Variants in PLCL1 observed in about 807,000 individuals in gnomAD.
The protein encoded by PLCL1 is phospholipase C like 1 (inactive).
A neutral mutation model predicts 84.4 loss-of-function variants in PLCL1; 41 were observed. The ratio of observed to expected loss-of-function variants is 0.49; its 90% CI spans 0.38 to 0.63. The LOEUF (loss-of-function observed/expected upper bound fraction) is 0.63, where lower values mean the gene tolerates loss of function less well. PLCL1 is among the 30% of genes least tolerant of loss of function. The probability of loss-of-function intolerance (pLI) is 0.00; values close to 1 mark genes in which losing one functional copy is unlikely to be tolerated. For missense variants in PLCL1, 1,206 were observed against 1,367.8 expected (o/e 0.88, Z 1.87); for synonymous variants, 490 against 488.3 (o/e 1.00, Z -0.05).
intron 1 of PLCL1, among the ~76,000 whole-genome samples, chr2:197,932,843 A>G (rs1287315959): frequency 6.6e-6 from 1 of 152,182 alleles, no homozygotes; most frequent in African/African-American, 2.4e-5. Flanking sequence ...ATAGGAGAGC[A>G]TGTTAGGTAC....
intron 1 of PLCL1, among the ~76,000 whole-genome samples, chr2:197,998,806 A>G (rs981591446): frequency 6.6e-6 from 1 of 152,056 alleles, no homozygotes; most frequent in Admixed American, 6.5e-5. Context: ...CTACTTCCTT[A>G]CTTCTATGTC....
intron 1 of PLCL1, among the ~76,000 whole-genome samples, chr2:197,966,668 A>C (rs1689744160): frequency 6.6e-6 from 1 of 151,992 alleles, no homozygotes; most frequent in Non-Finnish European, 1.5e-5. Flanking sequence ...CTACTTCTTC[A>C]GTGCCTCTTT....
chr2:197,879,467 T>A (rs891511701), intron 1 of PLCL1, among the ~76,000 whole-genome samples: 2 of 152,156 alleles, frequency 1.3e-5, no homozygotes, highest in Non-Finnish European at 2.9e-5. Flanking sequence ...GCTTGCTGGT[T>A]CTGGAATTTG....
At chr2:198,054,930 T>C (rs1327533348) in intron 1 of PLCL1, among the ~76,000 whole-genome samples, 5 of 152,154 alleles carry the variant, frequency 3.3e-5, no homozygotes, top group South Asian at 4.1e-4. Flanking sequence ...GGGAACAATA[T>C]CTAGATATAT....
At chr2:197,840,124 G>T (rs1044000841) in intron 1 of PLCL1, among the ~76,000 whole-genome samples, 2 of 152,136 alleles carry the variant, frequency 1.3e-5, no homozygotes, top group African/African-American at 4.8e-5. Context: ...ATCTTAAGAA[G>T]GGTAAATGAA....
intron 1 of PLCL1, among the ~76,000 whole-genome samples, chr2:197,904,792 A>G (rs1024812167): frequency 1.3e-5 from 2 of 152,208 alleles, no homozygotes; most frequent in African/African-American, 4.8e-5. Flanking sequence ...GTTAATTAGA[A>G]AAAAATTTTT....
chr2:197,981,688 A>G (rs193282530), intron 1 of PLCL1, among the ~76,000 whole-genome samples: 1 of 152,330 alleles, frequency 6.6e-6, no homozygotes, highest in African/African-American at 2.4e-5. Context: ...TCTGTCTGTT[A>G]TTAGAAAGGA....
At chr2:197,988,342 A>G (rs976392980) in intron 1 of PLCL1, among the ~76,000 whole-genome samples, 1 of 152,206 alleles carries the variant, frequency 6.6e-6, no homozygotes, top group African/African-American at 2.4e-5. Flanking sequence ...CGAGCAGTGT[A>G]CATTGTACCC....
chr2:197,837,795 G>T (rs563279765), intron 1 of PLCL1, among the ~76,000 whole-genome samples: 10 of 152,258 alleles, frequency 6.6e-5, no homozygotes, highest in Admixed American at 6.5e-4. Context: ...ATTATCATAG[G>T]AATCATTTGG....
intron 1 of PLCL1, among the ~76,000 whole-genome samples, chr2:197,991,463 T>G (rs890198520): frequency 1.3e-5 from 2 of 152,188 alleles, no homozygotes; most frequent in Non-Finnish European, 2.9e-5. Context: ...CCTTTGGTTC[T>G]GTTTGTTTGG....
intron 1 of PLCL1, among the ~76,000 whole-genome samples, chr2:198,066,911 T>G (rs946843997): frequency 3.3e-5 from 5 of 152,320 alleles, no homozygotes; most frequent in African/African-American, 1.2e-4. Flanking sequence ...ATACTCCATA[T>G]TTTCTTTCAG....
chr2:197,992,233 T>C (rs1373580984), intron 1 of PLCL1, among the ~76,000 whole-genome samples: 1 of 152,082 alleles, frequency 6.6e-6, no homozygotes, highest in Non-Finnish European at 1.5e-5. Flanking sequence ...GCAAAATATA[T>C]ATATTACAAA....
intron 1 of PLCL1, among the ~76,000 whole-genome samples, chr2:197,937,707 G>C (rs929910591): frequency 5.3e-5 from 8 of 152,082 alleles, no homozygotes; most frequent in African/African-American, 1.7e-4. Context: ...CTTAGACATA[G>C]AATTTTGAAA....
intron 1 of PLCL1, among the ~76,000 whole-genome samples, chr2:197,946,818 G>C (rs1338913322): frequency 6.6e-6 from 1 of 152,188 alleles, no homozygotes; most frequent in Non-Finnish European, 1.5e-5. Context: ...AGCCAAGCAT[G>C]TTCAACATTT....
intron 1 of PLCL1, among the ~76,000 whole-genome samples, chr2:197,882,415 A>G (rs562608544): frequency 6.6e-6 from 1 of 152,246 alleles, no homozygotes; most frequent in South Asian, 2.1e-4. Flanking sequence ...TATGGGAAGG[A>G]CTTGACACTT....
At chr2:198,144,125 T>C (rs1016825093) in intron 5 of PLCL1, among the ~76,000 whole-genome samples, 2 of 152,198 alleles carry the variant, frequency 1.3e-5, no homozygotes, top group African/African-American at 4.8e-5. Flanking sequence ...ATATGTTTCA[T>C]GCCATGCTGT....
chr2:197,856,044 T>G (rs1044137345), intron 1 of PLCL1, among the ~76,000 whole-genome samples: 11 of 152,212 alleles, frequency 7.2e-5, no homozygotes, highest in Non-Finnish European at 1.3e-4. Context: ...AAATTTTGTC[T>G]CACTGCATAA....
At chr2:198,043,573 G>A (rs150841762) in intron 1 of PLCL1, among the ~76,000 whole-genome samples, 137 of 152,310 alleles carry the variant, frequency 9.0e-4, no homozygotes, top group African/African-American at 3.0e-3. Flanking sequence ...GGACCATAGC[G>A]GAGAACCAGA....
rs576668993 is a variant in PLCL1 at position 198,048,973 on chromosome 2, A to G, written c.241-34785A>G. On this transcript the variant is annotated intron_variant, in intron 1 of 5. Coordinates refer to ENST00000428675, the MANE Select transcript of PLCL1 (RefSeq NM_006226.4). ...AGTGAATGGCTTATGCCTCAAGTTG[A>G]GCAGATTAGTTGCGTAGTAAGAAAG... is the stretch of plus-strand genomic sequence containing the variant. Among the ~76,000 whole-genome samples, 5 of 152,328 alleles carry G rather than the reference A, an allele frequency of 3.3e-5. No individual in the cohort carries two copies. In the East Asian group the frequency reaches 9.7e-4, roughly 29 times the overall value.
Sources: gnomAD v4.1 joint callset for allele counts (sites outside exome capture counted in the v4.1 genomes callset) on GRCh38, gnomAD v4.1.1 for gene constraint, MANE v1.5 for transcripts, NCBI Gene and HGNC (gene_info 2026-07-23, HGNC 2026-07-21) for gene names.